SPATA13: variants seen among roughly 807,000 people sequenced by gnomAD.
SPATA13 encodes spermatogenesis associated 13, also known as spermatogenesis-associated protein 13.
A neutral mutation model predicts 104.0 loss-of-function variants in SPATA13; 50 were observed. That is an observed-to-expected ratio of 0.48 (90% CI 0.38 to 0.61). SPATA13 has a LOEUF of 0.61. Among genes scored for constraint, SPATA13 ranks in the 20% least tolerant of loss-of-function variants. The probability of loss-of-function intolerance (pLI) is 0.00; values close to 1 mark genes in which losing one functional copy is unlikely to be tolerated. For missense variants in SPATA13, 1,524 were observed against 1,690.6 expected (o/e 0.90, Z 1.73); for synonymous variants, 606 against 667.5 (o/e 0.91, Z 1.42).
chr13:23,985,448 C>G (rs1412030952), intron 2 of SPATA13, among the ~76,000 whole-genome samples: 1 of 152,232 alleles, frequency 6.6e-6, no homozygotes, highest in East Asian at 1.9e-4. Context: ...TTACCTGGGT[C>G]TCCTGCATGT....
chr13:24,170,912 T>C (rs1032402114), intron 1 of SPATA13, among the ~76,000 whole-genome samples: 1 of 151,968 alleles, frequency 6.6e-6, no homozygotes, highest in African/African-American at 2.4e-5. Context: ...TTTGATGGGA[T>C]TGTTTTAAAA....
rs71186818 is a variant in SPATA13 at position 24,228,108 on chromosome 13, C to CTTTTTTTT, written c.1653+3542_1653+3549dup. ...AATAGGGTTTCTCCCCTCTTGTACT[C>CTTTTTTTT]TTTTTTTTTTTTTTTTTTTTTTTGA... On this transcript the variant is annotated intron_variant, in intron 2 of 12. Coordinates refer to ENST00000382108, the MANE Select transcript of SPATA13 (RefSeq NM_001166271.3). Among the ~76,000 whole-genome samples the CTTTTTTTT allele has an allele frequency of 3.5e-4, 36 of 102,260 alleles. 1 individual carries two copies. Among genetic ancestry groups the CTTTTTTTT allele is most frequent in the African/African-American group, 1.5e-3 (32 of 21,346 alleles). The allele number at this position is 102,260 out of a possible 152,430, so 67.1% of individuals were successfully genotyped here.
intron 3 of SPATA13, among the ~76,000 whole-genome samples, chr13:24,114,812 A>G (rs979242403): frequency 6.6e-6 from 1 of 151,948 alleles, no homozygotes; most frequent in Non-Finnish European, 1.5e-5. Context: ...ACAAGCATGC[A>G]CCACCACGCC....
At chr13:23,997,421 T>C (rs905761491) in intron 2 of SPATA13, among the ~76,000 whole-genome samples, 1 of 152,232 alleles carries the variant, frequency 6.6e-6, no homozygotes, top group East Asian at 1.9e-4. Context: ...TCTAGAATTT[T>C]ATACAAAAGA....
chr13:24,053,374 A>G (rs8001153), intron 3 of SPATA13, among the ~76,000 whole-genome samples: 6,123 of 152,256 alleles, frequency 0.04, 181 homozygotes, highest in African/African-American at 0.079. Context: ...CACTCATTCC[A>G]TGGCTGATTC....
intron 12 of SPATA13, among the ~76,000 whole-genome samples, chr13:24,301,476 A>T (rs1035524577): frequency 5.3e-5 from 8 of 152,244 alleles, no homozygotes; most frequent in African/African-American, 1.7e-4. Flanking sequence ...CTAATGTCAG[A>T]TGACTAGTAA....
intron 3 of SPATA13, among the ~76,000 whole-genome samples, chr13:24,064,591 A>C (rs189340279): frequency 1.7e-4 from 26 of 152,166 alleles, no homozygotes; most frequent in African/African-American, 6.0e-4. Context: ...AGACATCTAC[A>C]AACCAGGAAG....
At chr13:24,118,890 G>A (rs979879388) in intron 3 of SPATA13, among the ~76,000 whole-genome samples, 1 of 124,178 alleles carries the variant, frequency 8.1e-6, no homozygotes, top group Non-Finnish European at 1.8e-5. Context: ...TCAGGTAGAC[G>A]CTACATTTTT....
chr13:24,177,977 C>G (rs781009977), intron 1 of SPATA13, among the ~76,000 whole-genome samples: 1 of 152,132 alleles, frequency 6.6e-6, no homozygotes. Flanking sequence ...CTGCCTCAGC[C>G]TCCCAAGTAG....
At chr13:24,279,103 A>G (rs1207097022) in intron 4 of SPATA13, among the ~76,000 whole-genome samples, 1 of 152,152 alleles carries the variant, frequency 6.6e-6, no homozygotes, top group Non-Finnish European at 1.5e-5. Flanking sequence ...GATAGTGAAC[A>G]GAATACATTA....
chr13:24,179,970 T>A (rs1279012860), intron 1 of SPATA13, among the ~76,000 whole-genome samples: 1 of 152,214 alleles, frequency 6.6e-6, no homozygotes, highest in Non-Finnish European at 1.5e-5. Flanking sequence ...CTTTTTACTT[T>A]CTTACTTAGT....
At chr13:24,102,357 G>C (rs1286079860) in intron 3 of SPATA13, among the ~76,000 whole-genome samples, 1 of 151,956 alleles carries the variant, frequency 6.6e-6, no homozygotes, top group Non-Finnish European at 1.5e-5. Flanking sequence ...AGTTGTGGGA[G>C]TTCTTTATAT....
In SPATA13 at chr13:24,306,628, A is replaced by T. The variant is rs914097201; in HGVS notation, c.*3855A>T. Reference sequence around the variant, plus strand: ...TGGAAAAATAAGTGGAACATGACTGATCTTGAAAAAAAAAGCAAAAGCTTA... The same window carrying T: ...TGGAAAAATAAGTGGAACATGACTGTTCTTGAAAAAAAAAGCAAAAGCTTA... On this transcript the variant is annotated 3_prime_UTR_variant, in exon 13 of 13. Coordinates refer to ENST00000382108, the MANE Select transcript of SPATA13 (RefSeq NM_001166271.3). 2 of 152,128 alleles carry T rather than the reference A, an allele frequency of 1.3e-5. No individual in the cohort carries two copies. Among genetic ancestry groups the T allele is most frequent in the Non-Finnish European group, 2.9e-5 (2 of 68,020 alleles). The allele number at this position is 152,128 out of a possible 1,614,324, so 9.4% of individuals were successfully genotyped here.
At chr13:24,272,344 A>G (rs1268109974) in intron 4 of SPATA13, among the ~76,000 whole-genome samples, 2 of 152,214 alleles carry the variant, frequency 1.3e-5, no homozygotes, top group Non-Finnish European at 2.9e-5. Context: ...TTGACCCTCT[A>G]CAGCAGTCCC....
intron 3 of SPATA13, among the ~76,000 whole-genome samples, chr13:24,085,519 A>C (rs779675668): frequency 8.5e-5 from 13 of 152,186 alleles, no homozygotes; most frequent in Non-Finnish European, 1.8e-4. Flanking sequence ...GGACAGCTGC[A>C]GGAACTGGGG....
intron 3 of SPATA13, among the ~76,000 whole-genome samples, chr13:24,086,269 A>G (rs966467548): frequency 5.3e-5 from 8 of 152,214 alleles, no homozygotes; most frequent in Non-Finnish European, 1.2e-4. Context: ...TGCATGGTAC[A>G]TAGTCTTGCT....
rs34668799 is a variant in SPATA13, at chr13:23,999,368, CAAAAAAAA to C, written c.-147+15449_-147+15456del. Reference sequence around the variant, plus strand: ...TTAGAAACAGATCCTCATTTTCTACCAAAAAAAAAAAAAAAAAAAAAGCCTGTTCGGAT... The same window carrying C: ...TTAGAAACAGATCCTCATTTTCTACCAAAAAAAAAAAAAGCCTGTTCGGAT... On this transcript the variant is annotated intron_variant, in intron 2 of 14. Transcript: ENST00000424834. Among the ~76,000 whole-genome samples, 54 of 94,384 alleles carry C rather than the reference CAAAAAAAA, an allele frequency of 5.7e-4. 1 individual carries two copies. The highest frequency in any genetic ancestry group is 7.9e-4 in the Non-Finnish European group (38 of 48,096). The allele number at this position is 94,384 out of a possible 152,430, so 61.9% of individuals were successfully genotyped here. A position where few individuals can be genotyped will look rare whatever the true frequency, so the allele number is the denominator to read the frequency against.
chr13:24,121,930 C>T (rs1881042559), intron 3 of SPATA13: 2 of 659,736 alleles, frequency 3.0e-6, no homozygotes, highest in Non-Finnish European at 5.3e-6. Context: ...GGTCCCATCT[C>T]CTGGGGTTGT....
intron 3 of SPATA13, among the ~76,000 whole-genome samples, chr13:24,055,212 C>A (rs1000941350): frequency 2.0e-5 from 3 of 152,204 alleles, no homozygotes; most frequent in African/African-American, 7.2e-5. Flanking sequence ...TAAATGACAT[C>A]AGTTTCTATC....
Sources: allele counts gnomAD v4.1 joint callset (sites outside exome capture counted in the v4.1 genomes callset), GRCh38; gene constraint gnomAD v4.1.1; transcripts MANE v1.5; gene names NCBI Gene and HGNC (gene_info 2026-07-23, HGNC 2026-07-21).